RNF44: variants seen among roughly 807,000 people sequenced by gnomAD.
RNF44 encodes the protein ring finger protein 44.
In RNF44, 25 loss-of-function variants were observed where a neutral mutation model predicts 53.6. The ratio of observed to expected loss-of-function variants is 0.47; its 90% confidence interval spans 0.34 to 0.65. RNF44 has a LOEUF of 0.65. Among genes scored for constraint, RNF44 ranks in the 30% least tolerant of loss-of-function variants. The pLI is 0.01. For missense variants in RNF44, 581 were observed against 595.5 expected (o/e 0.98, Z 0.25); for synonymous variants, 282 against 252.2 (o/e 1.12, Z -1.12).
chr5:176,539,906 T>C (rs1757410264), upstream of RNF44, among the ~76,000 whole-genome samples: 1 of 152,126 alleles, frequency 6.6e-6, no homozygotes, highest in Admixed American at 6.5e-5. Context: ...TCGTCTGGCT[T>C]TCTCTCCCTG....
At chr5:176,541,238 T>A (rs1309147883), upstream of RNF44, among the ~76,000 whole-genome samples, 1 of 152,174 alleles carries the variant, frequency 6.6e-6, no homozygotes, top group Admixed American at 6.5e-5. Flanking sequence ...GGGCAAGTCC[T>A]ATCCTGATCC....
chr5:176,541,071 C>T (rs749010612), upstream of RNF44, among the ~76,000 whole-genome samples: 1 of 152,300 alleles, frequency 6.6e-6, no homozygotes, highest in Non-Finnish European at 1.5e-5. Context: ...TTACTTTCAT[C>T]GCACAGAGGA....
chr5:176,539,718 G>A (rs961431552), upstream of RNF44, among the ~76,000 whole-genome samples: 6 of 151,706 alleles, frequency 4.0e-5, no homozygotes, highest in Admixed American at 1.3e-4. Context: ...CACATTTGAA[G>A]GTACCTACAT....
chr5:176,537,721 A>T (rs1236326329), upstream of RNF44: 1 of 152,240 alleles, frequency 6.6e-6, no homozygotes, highest in Non-Finnish European at 1.5e-5. Flanking sequence ...AACCGGCAGT[A>T]CGGACTTACT....
At chr5:176,530,303 CCGCCCCGGAGCCCAGG>C (rs1756472746) in intron 6 of RNF44, 97 bp from the exon 7 acceptor site, 33 of 246,504 alleles carry the variant, frequency 1.3e-4, no homozygotes, top group Admixed American at 9.5e-4. Context: ...TGCCTCCCAG[CCGCCCCGGAGCCCAGG>C]TGCAAGTCAG....
intron 1 of RNF44, among the ~76,000 whole-genome samples, 161 bp from the exon 2 acceptor site, chr5:176,532,677 A>G (rs1355984460): frequency 1.5e-5 from 2 of 133,350 alleles, no homozygotes; most frequent in African/African-American, 2.8e-5. Flanking sequence ...CGGGAGGCGG[A>G]GGTTGCAGTG....
chr5:176,540,173 T>C (rs1757416271), upstream of RNF44, among the ~76,000 whole-genome samples: 1 of 152,194 alleles, frequency 6.6e-6, no homozygotes, highest in Admixed American at 6.5e-5. Context: ...CACTCAGTAA[T>C]TCCCCTCCTG....
At chr5:176,535,036 C>T (rs1757029191) in intron 1 of RNF44, among the ~76,000 whole-genome samples, 1 of 152,174 alleles carries the variant, frequency 6.6e-6, no homozygotes, top group Admixed American at 6.5e-5. Flanking sequence ...CTCCCCAGGG[C>T]AGGGAAGGTG....
At position 176,529,543 on chromosome 5, in the gene RNF44, G is replaced by C. The variant is rs1185056831; in HGVS notation, c.1116C>G (p.Ser372Arg). The change falls in exon 9 of 11, where the codon AGC (serine) becomes AGG (arginine). Residue 372 changes from serine (S) to arginine (R), a missense_variant. Ser to Arg is a moderately radical substitution (Grantham distance 110). Around this residue, in one of 3 missense-constraint regions of RNF44, gnomAD observed 183 missense variants for 198.6 expected, o/e 0.92. Coordinates refer to ENST00000274811, the MANE Select transcript of RNF44 (RefSeq NM_014901.5). ...QLPSYRFNPD[S>R]HQSEQTLCVV... ...CTCACAGCGTCTGCTCCGACTGATGGCTGTCCGGGTTAAAGCGGTACGACG... is the reference window on the plus strand; with the variant it reads ...CTCACAGCGTCTGCTCCGACTGATGCCTGTCCGGGTTAAAGCGGTACGACG... 1 of 1,614,042 alleles carries C rather than the reference G, an allele frequency of 6.2e-7. No homozygotes were observed. The highest frequency in any genetic ancestry group is 1.7e-5 in the Admixed American group (1 of 60,022).
chr5:176,535,101 G>C (rs546438986), intron 1 of RNF44, among the ~76,000 whole-genome samples: 2 of 152,364 alleles, frequency 1.3e-5, no homozygotes, highest in Non-Finnish European at 2.9e-5. Context: ...CCGTGGGTAA[G>C]AATGTCAGCC....
chr5:176,528,960 C>T lies in RNF44; in HGVS notation c.*68G>A, dbSNP rs1445269635. The T allele has an allele frequency of 1.9e-5, 28 of 1,503,266 alleles. No individual in the cohort carries two copies. The highest frequency in any genetic ancestry group is 2.4e-5 in the Non-Finnish European group (26 of 1,094,422). 93.1% of individuals were successfully genotyped at this position (1,503,266 alleles called of 1,614,324 possible). On this transcript the variant is annotated 3_prime_UTR_variant, in exon 11 of 11. Coordinates refer to ENST00000274811, the MANE Select transcript of RNF44 (RefSeq NM_014901.5). ...GCCTGGGCCACTCCCTCCCCATCCT[C>T]CCTGGGCCCCACCCACAAGTTTCCA... is the stretch of plus-strand genomic sequence containing the variant.
chr5:176,535,825 C>T (rs573919046), intron 1 of RNF44, among the ~76,000 whole-genome samples: 15 of 152,338 alleles, frequency 9.8e-5, no homozygotes, highest in Admixed American at 8.5e-4. Flanking sequence ...CTCTGCCCGT[C>T]CACATCTCCA....
chr5:176,530,781 C>T (rs181849476), intron 5 of RNF44, 38 bp from the exon 6 acceptor site: 27 of 1,491,952 alleles, frequency 1.8e-5, no homozygotes, highest in Middle Eastern at 3.5e-4. Flanking sequence ...GTCAGTGAGA[C>T]GAGGCTGTCC....
rs761936323 is a variant in RNF44, at chr5:176,532,119, C to T, written c.182G>A (p.Arg61Gln). ...ERLPSQQPPSRPPHLPVEERR... is the reference protein window; with the variant it reads ...ERLPSQQPPSQPPHLPVEERR... Reference sequence around the variant, plus strand: ...CTCCTCTACGGGGAGGTGTGGAGGTCGGGACGGCGGCTGCTGGGAGGGTAA... The same window carrying T: ...CTCCTCTACGGGGAGGTGTGGAGGTTGGGACGGCGGCTGCTGGGAGGGTAA... The change falls in exon 3 of 11, where the codon CGA (arginine) becomes CAA (glutamine). Residue 61 changes from arginine to glutamine, a missense_variant. Physicochemically the swap from Arg to Gln is conservative, Grantham distance 43. Around this residue, in one of 3 missense-constraint regions of RNF44, gnomAD observed 387 missense variants for 366.0 expected, o/e 1.06. Transcript: ENST00000274811. 13 of 1,584,324 alleles carry T rather than the reference C, an allele frequency of 8.2e-6. No homozygotes were observed. Among genetic ancestry groups the T allele is most frequent in the Middle Eastern group, 1.8e-4 (1 of 5,710 alleles).
chr5:176,530,740 G>C lies in RNF44; in HGVS notation c.643C>G (p.Leu215Val). The C allele has an allele frequency of 6.5e-7, 1 of 1,535,298 alleles. No homozygotes were observed. The highest frequency in any genetic ancestry group is 8.7e-7 in the Non-Finnish European group (1 of 1,144,148). ...SLQTQHPRMP[L>V]QRLDNDVDLR... is the part of the protein sequence containing the mutation. ...TCCACGTCGTTGTCGAGCCGCTGGA[G>C]GGGCTGGAAGAACCAGCGCCGGGTC... The change falls in exon 6 of 11, where the codon CTC becomes GTC. Residue 215 changes from leucine (L) to valine (V), a missense_variant. Physicochemically the swap from Leu to Val is conservative, Grantham distance 32. Coordinates refer to ENST00000274811, the MANE Select transcript of RNF44 (RefSeq NM_014901.5).
upstream of RNF44, among the ~76,000 whole-genome samples, chr5:176,539,392 T>G (rs1033590796): frequency 6.6e-6 from 1 of 152,184 alleles, no homozygotes; most frequent in African/African-American, 2.4e-5. Context: ...AAAAGCAATT[T>G]GAAAACCCTC....
chr5:176,534,029 G>A (rs1050307965), intron 1 of RNF44, among the ~76,000 whole-genome samples: 6 of 152,178 alleles, frequency 3.9e-5, no homozygotes, highest in African/African-American at 9.7e-5. Context: ...TGCCAACAGC[G>A]GCAAGAACCA....
At chr5:176,529,247 C>T (rs925855261) in intron 10 of RNF44, 41 bp downstream of exon 10, 29 of 1,583,770 alleles carry the variant, frequency 1.8e-5, no homozygotes, top group Non-Finnish European at 2.5e-5. Flanking sequence ...CCCCCCGTCA[C>T]TGCATGAGGA....
At chr5:176,534,739 G>A (rs1407582649) in intron 1 of RNF44, among the ~76,000 whole-genome samples, 1 of 152,208 alleles carries the variant, frequency 6.6e-6, no homozygotes, top group Non-Finnish European at 1.5e-5. Flanking sequence ...TGTTTCCCCG[G>A]CGCCAACTTG....
Sources: gnomAD v4.1 joint callset for allele counts (sites outside exome capture counted in the v4.1 genomes callset) on GRCh38, gnomAD v4.1.1 for gene constraint, gnomAD v4.1.1 regional missense constraint, MANE v1.5 for transcripts, NCBI Gene and HGNC (gene_info 2026-07-23, HGNC 2026-07-21) for gene names.